Variants in MIPOL1 observed in about 807,000 individuals in gnomAD.
MIPOL1 encodes mirror-image polydactyly 1.
Under a neutral mutation model 60.9 loss-of-function variants are expected in MIPOL1, and 57 were observed. The observed-to-expected ratio is 0.94, with a 90% CI of 0.76 to 1.17. The LOEUF (loss-of-function observed/expected upper bound fraction) is 1.17, where lower values mean the gene tolerates loss of function less well. MIPOL1 is among the 50% of genes most tolerant of loss of function. The pLI is 0.00. For missense variants in MIPOL1, 551 were observed against 511.6 expected (o/e 1.08, Z -0.74); for synonymous variants, 179 against 168.8 (o/e 1.06, Z -0.47).
At chr14:37,318,901 C>T (rs11623620) in intron 9 of MIPOL1, among the ~76,000 whole-genome samples, 152,171 of 152,180 alleles carry the variant, frequency 1, 76,081 homozygotes, top group Non-Finnish European at 1. Flanking sequence ...TGATCATGGC[C>T]GTGGTTCAGC....
At chr14:37,404,920 A>C (rs1278975212) in intron 10 of MIPOL1, among the ~76,000 whole-genome samples, 2 of 152,184 alleles carry the variant, frequency 1.3e-5, no homozygotes, top group African/African-American at 4.8e-5. Flanking sequence ...TCTGTGAAAA[A>C]GAAGGGATGT....
chr14:37,449,242 C>T (rs1234433044), intron 11 of MIPOL1, among the ~76,000 whole-genome samples: 2 of 151,502 alleles, frequency 1.3e-5, no homozygotes, highest in African/African-American at 4.9e-5. Context: ...TTGATATTAC[C>T]ATTAAAAAAA....
intron 11 of MIPOL1, among the ~76,000 whole-genome samples, chr14:37,467,899 C>T (rs982853461): frequency 1.3e-5 from 2 of 151,582 alleles, no homozygotes; most frequent in African/African-American, 4.9e-5. Context: ...ACTAAAAATA[C>T]AAAAATTAGC....
chr14:37,381,063 T>G (rs755464882), intron 10 of MIPOL1, among the ~76,000 whole-genome samples: 14 of 152,096 alleles, frequency 9.2e-5, no homozygotes, highest in Non-Finnish European at 1.5e-4. Context: ...TTGGCCACAG[T>G]ACTTCAGGGA....
At chr14:37,541,609 C>A (rs761027951) in intron 12 of MIPOL1, among the ~76,000 whole-genome samples, 7 of 152,078 alleles carry the variant, frequency 4.6e-5, no homozygotes, top group African/African-American at 7.2e-5. Flanking sequence ...CCTATTAAAC[C>A]CTCACTATTC....
chr14:37,493,821 G>C (rs1348396838), intron 11 of MIPOL1, among the ~76,000 whole-genome samples: 1 of 152,104 alleles, frequency 6.6e-6, no homozygotes, highest in Non-Finnish European at 1.5e-5. Flanking sequence ...ACATGCTTTA[G>C]AATTTCTGAG....
intron 9 of MIPOL1, among the ~76,000 whole-genome samples, chr14:37,355,516 C>A (rs12896467): frequency 2.6e-5 from 4 of 151,274 alleles, no homozygotes; most frequent in Admixed American, 6.6e-5. Context: ...CAACTTGGTT[C>A]CATTCTCCCT....
At chr14:37,407,931 C>G (rs887407574) in intron 10 of MIPOL1, among the ~76,000 whole-genome samples, 2 of 138,062 alleles carry the variant, frequency 1.4e-5, no homozygotes, top group South Asian at 2.4e-4. Context: ...CTCACTGCAA[C>G]CTGGAACTCC....
intron 10 of MIPOL1, among the ~76,000 whole-genome samples, chr14:37,373,178 T>C (rs2092687734): frequency 6.6e-6 from 1 of 152,096 alleles, no homozygotes; most frequent in South Asian, 2.1e-4. Context: ...AATTTTTGTA[T>C]TTTTAGTAGA....
At chr14:37,313,852 G>A (rs1412461452) in intron 9 of MIPOL1, among the ~76,000 whole-genome samples, 1 of 152,148 alleles carries the variant, frequency 6.6e-6, no homozygotes, top group African/African-American at 2.4e-5. Context: ...TAGGAGCAAA[G>A]CACAGCAAGG....
intron 7 of MIPOL1, among the ~76,000 whole-genome samples, chr14:37,302,896 A>G (rs1355775179): frequency 2.6e-5 from 4 of 151,820 alleles, no homozygotes; most frequent in Admixed American, 2.0e-4. Context: ...TGTTTTGGCT[A>G]TTCTAGATAA....
At chr14:37,536,496 A>G (rs1353690146) in intron 12 of MIPOL1, among the ~76,000 whole-genome samples, 6 of 152,322 alleles carry the variant, frequency 3.9e-5, no homozygotes, top group African/African-American at 1.2e-4. Context: ...ATCACATAAC[A>G]TCATCATAAA....
intron 3 of MIPOL1, 114 bp downstream of exon 3, chr14:37,248,021 C>A: frequency 1.1e-6 from 1 of 930,008 alleles, no homozygotes; most frequent in South Asian, 1.7e-5. Context: ...CAAGTGCGCA[C>A]ACACACACAC....
chr14:37,373,531 C>T (rs917603604), intron 10 of MIPOL1, among the ~76,000 whole-genome samples: 2 of 151,932 alleles, frequency 1.3e-5, no homozygotes, highest in South Asian at 2.1e-4. Flanking sequence ...TATTTCTCCT[C>T]CCCTAGCGCC....
At chr14:37,447,987 C>A (rs116789461) in intron 11 of MIPOL1, among the ~76,000 whole-genome samples, 1 of 152,024 alleles carries the variant, frequency 6.6e-6, no homozygotes, top group African/African-American at 2.4e-5. Context: ...AAGTTCAGGA[C>A]TCTTGACTGG....
intron 11 of MIPOL1, among the ~76,000 whole-genome samples, chr14:37,479,339 T>A (rs1459435449): frequency 6.6e-6 from 1 of 152,100 alleles, no homozygotes; most frequent in Middle Eastern, 3.2e-3. Context: ...TGAAATCATA[T>A]CAAGTATTTT....
chr14:37,385,868 AG>A (rs1382088734), intron 10 of MIPOL1: 2 of 152,114 alleles, frequency 1.3e-5, no homozygotes, highest in Non-Finnish European at 2.9e-5. Context: ...GAGAAACAAA[AG>A]AAAATTGCAT....
intron 11 of MIPOL1, among the ~76,000 whole-genome samples, chr14:37,480,818 A>G (rs1017798863): frequency 9.2e-5 from 14 of 152,142 alleles, no homozygotes; most frequent in African/African-American, 3.4e-4. Flanking sequence ...CCACAAAAAA[A>G]CAAACAAACA....
intron 10 of MIPOL1, among the ~76,000 whole-genome samples, chr14:37,395,793 T>C (rs1039303027): frequency 3.3e-5 from 5 of 152,158 alleles, no homozygotes; most frequent in African/African-American, 1.2e-4. Context: ...TCCAGTACTA[T>C]GCTGAAGAAG....
Sources: gnomAD v4.1 joint callset for allele counts (sites outside exome capture counted in the v4.1 genomes callset) on GRCh38, gnomAD v4.1.1 for gene constraint, MANE v1.5 for transcripts, NCBI Gene and HGNC (gene_info 2026-07-23, HGNC 2026-07-21) for gene names.